The following GSE1 variants were observed in gnomAD, a reference collection of about 807,000 sequenced individuals.
GSE1 encodes Gse1 coiled-coil protein.
In GSE1, 32 loss-of-function variants were observed where a neutral mutation model predicts 112.6. That is an observed-to-expected ratio of 0.28 (90% CI 0.21 to 0.38). GSE1 has a LOEUF of 0.38. GSE1 is among the 10% of genes least tolerant of loss of function. The pLI is 1.00. For synonymous variants in GSE1, 1,115 were observed against 735.6 expected, an observed-to-expected ratio of 1.52 and a Z score of -8.35; for missense variants, 2,348 against 1,699.2, an observed-to-expected ratio of 1.38 and a Z score of -6.71.
chr16:85,666,724 A>C, intron 13 of GSE1: 1 of 243,610 alleles, frequency 4.1e-6, no homozygotes, highest in Non-Finnish European at 8.1e-6. Context: ...TGAAAGAATC[A>C]TGTTTTTCAA....
chr16:85,651,366 GGTCTGGCTCGCCGGGCCCCTGCCCCGCCT>G (rs1300984676), intron 3 of GSE1, among the ~76,000 whole-genome samples: 3 of 152,028 alleles, frequency 2.0e-5, no homozygotes, highest in African/African-American at 7.2e-5. Context: ...CAGACATGTG[GGTCTGGCTCGCCGGGCCCCTGCCCCGCCT>G]GCTGGCTGCC....
At position 85,277,163 on chromosome 16, in the gene GSE1, G is replaced by A. The variant is rs2144228190; in HGVS notation, c.2284-80300G>A. ...GACCCCACGGCCAGCCTGTGGAGTGGGGAGAAATAGAGGCGAGACTGGGCA... is the reference window on the plus strand; with the variant it reads ...GACCCCACGGCCAGCCTGTGGAGTGAGGAGAAATAGAGGCGAGACTGGGCA... On this transcript the variant is annotated intron_variant, in intron 1 of 2. Coordinates refer to the GSE1 transcript ENST00000637419. Among the ~76,000 whole-genome samples, 3 of 152,338 alleles carry A rather than the reference G, an allele frequency of 2.0e-5. No homozygotes were observed. In the Middle Eastern group the frequency reaches 0.01, roughly 518 times the overall value.
intron 2 of GSE1, among the ~76,000 whole-genome samples, chr16:85,364,392 C>T (rs1029814158): frequency 6.6e-6 from 1 of 152,216 alleles, no homozygotes; most frequent in Non-Finnish European, 1.5e-5. Context: ...ACCTTAATCC[C>T]CTTTTCCCAG....
chr16:85,424,561 G>A (rs971565041), intron 2 of GSE1, among the ~76,000 whole-genome samples: 5 of 152,230 alleles, frequency 3.3e-5, no homozygotes, highest in East Asian at 1.9e-4. Context: ...TGGCCTGGCC[G>A]CCTGCAGCCT....
At chr16:85,611,234 G>A (rs1001472780), upstream of GSE1, among the ~76,000 whole-genome samples, 2 of 152,068 alleles carry the variant, frequency 1.3e-5, no homozygotes, top group African/African-American at 4.8e-5. Flanking sequence ...GGGGCCAGTC[G>A]TCGTCCATTC....
intron 1 of GSE1, among the ~76,000 whole-genome samples, chr16:85,246,404 TACAC>T (rs111501333): frequency 0.049 from 2,702 of 55,222 alleles, 235 homozygotes; most frequent in African/African-American, 0.16. Flanking sequence ...ACACGCTGTC[TACAC>T]ACACACACAC....
chr16:85,171,158 G>A lies in GSE1; in HGVS notation c.1634G>A (p.Trp545Ter). 1 of 985,672 alleles carries A rather than the reference G, an allele frequency of 1.0e-6. No individual in the cohort carries two copies. Among genetic ancestry groups the A allele is most frequent in the Non-Finnish European group, 1.2e-6 (1 of 830,132 alleles). 61.1% of individuals were successfully genotyped at this position (985,672 alleles called of 1,614,324 possible). ...TGCTTCAGCGTCCTGGAGGATGTCT[G>A]GGCCCTGTACCGGGCCTGCCAGAAC... The change falls in exon 1 of 3, where the codon TGG becomes TAG. Residue 545 changes from tryptophan (W) to a stop codon, truncating the protein, a stop_gained. Transcript: ENST00000637419. LOFTEE classifies it high-confidence loss of function.
intron 1 of GSE1, among the ~76,000 whole-genome samples, chr16:85,183,214 C>G (rs761547274): frequency 4.6e-5 from 7 of 152,220 alleles, no homozygotes; most frequent in Non-Finnish European, 7.3e-5. Context: ...TATGCACACA[C>G]TCCCACACAC....
intron 8 of GSE1, among the ~76,000 whole-genome samples, chr16:85,658,991 T>TC (rs2052204475): frequency 2.6e-5 from 4 of 152,206 alleles, no homozygotes; most frequent in African/African-American, 9.7e-5. Flanking sequence ...CATTGTGAAC[T>TC]TGGGGGCCTG....
intron 1 of GSE1, among the ~76,000 whole-genome samples, chr16:85,577,220 A>G (rs79745558): frequency 0.019 from 2,941 of 152,252 alleles, 99 homozygotes; most frequent in African/African-American, 0.067. Flanking sequence ...TCTTCATGGT[A>G]GGTGGTGGCT....
chr16:85,218,244 C>T (rs72805680), intron 1 of GSE1, among the ~76,000 whole-genome samples: 242 of 152,186 alleles, frequency 1.6e-3, no homozygotes, highest in Non-Finnish European at 2.8e-3. Context: ...AGGTGGTTTT[C>T]TCCTAGGGTT....
At chr16:85,238,894 C>A (rs1289237505) in intron 1 of GSE1, among the ~76,000 whole-genome samples, 3 of 152,190 alleles carry the variant, frequency 2.0e-5, no homozygotes, top group African/African-American at 7.2e-5. Context: ...CCTGCTGACG[C>A]CACCTGCACA....
intron 1 of GSE1, among the ~76,000 whole-genome samples, chr16:85,202,897 G>A (rs2075053354): frequency 6.6e-6 from 1 of 152,154 alleles, no homozygotes; most frequent in African/African-American, 2.4e-5. Context: ...TCCTGGCTGT[G>A]CCCCAGCTCT....
chr16:85,613,169 G>A (rs887022783), upstream of GSE1: 6 of 1,383,636 alleles, frequency 4.3e-6, no homozygotes, highest in African/African-American at 3.1e-5. Flanking sequence ...CAGGGAGCCG[G>A]GAGCGAGCCA....
In GSE1 at chr16:85,482,977, CAAAAA is replaced by C. The variant is rs3054201; in HGVS notation, c.2464+125350_2464+125354del. ...AGGATGACAGAGTGAGACTCCGTCT[CAAAAA>C]AAAAAAAAAAAAAAATACCAAACTC... On this transcript the variant is annotated intron_variant, in intron 2 of 2. Coordinates refer to the GSE1 transcript ENST00000637419. Among the ~76,000 whole-genome samples, 3 of 48,300 alleles carry C rather than the reference CAAAAA, an allele frequency of 6.2e-5. 1 individual carries two copies. The highest frequency in any genetic ancestry group is 2.1e-4 in the African/African-American group (3 of 14,138). 31.7% of individuals were successfully genotyped at this position (48,300 alleles called of 152,430 possible). A position where few individuals can be genotyped will look rare whatever the true frequency, so the allele number is the denominator to read the frequency against.
chr16:85,489,258 C>T (rs905414412), intron 2 of GSE1, among the ~76,000 whole-genome samples: 19 of 152,022 alleles, frequency 1.2e-4, no homozygotes, highest in African/African-American at 4.6e-4. Flanking sequence ...CCCCAGCCAG[C>T]CCCTCCCCAT....
At chr16:85,361,510 CCTCT>C in intron 2 of GSE1, among the ~76,000 whole-genome samples, 1 of 152,364 alleles carries the variant, frequency 6.6e-6, no homozygotes, top group Non-Finnish European at 1.5e-5. Flanking sequence ...CCCTCTCTGC[CCTCT>C]CTGTCTCTCT....
At chr16:85,671,888 A>G (rs566452754) in intron 15 of GSE1, 56 of 160,656 alleles carry the variant, frequency 3.5e-4, no homozygotes, top group Middle Eastern at 3.2e-3. Context: ...ATCACTCCCA[A>G]AGTTTTTACA....
intron 1 of GSE1, among the ~76,000 whole-genome samples, chr16:85,352,647 G>T (rs75734622): frequency 0.045 from 6,909 of 152,256 alleles, 191 homozygotes; most frequent in Middle Eastern, 0.088. Context: ...GGATAAGGAA[G>T]GGGGGCCCTT....
Sources: allele counts gnomAD v4.1 joint callset (sites outside exome capture counted in the v4.1 genomes callset), GRCh38; gene constraint gnomAD v4.1.1; transcripts MANE v1.5; gene names NCBI Gene and HGNC (gene_info 2026-07-23, HGNC 2026-07-21).